The following IQCM variants were observed in gnomAD, a reference collection of about 807,000 sequenced individuals.
IQCM encodes IQ domain-containing protein M.
IQCM carries 45 observed loss-of-function variants against 57.6 expected under a neutral mutation model. That is an observed-to-expected ratio of 0.78 (90% CI 0.62 to 1.00). The LOEUF is 1.00. Ranked by LOEUF, IQCM falls within the 50% of genes least tolerant of loss-of-function variation. The pLI, the probability that IQCM is intolerant of heterozygous loss-of-function variation, is 0.00. For missense variants in IQCM, 468 were observed against 511.6 expected, an observed-to-expected ratio of 0.91 and a Z score of 0.82; for synonymous variants, 148 against 158.9, an observed-to-expected ratio of 0.93 and a Z score of 0.51.
intron 12 of IQCM, among the ~76,000 whole-genome samples, chr4:149,456,863 C>A (rs768708367): frequency 1.3e-5 from 2 of 151,996 alleles, no homozygotes; most frequent in Non-Finnish European, 2.9e-5. Context: ...TCCATGAAAG[C>A]CAGTGTAAAG....
chr4:149,615,155 A>G (rs1364484002), intron 8 of IQCM, among the ~76,000 whole-genome samples: 4 of 152,062 alleles, frequency 2.6e-5, no homozygotes, highest in African/African-American at 7.2e-5. Context: ...AGCTATGACT[A>G]CAATCCCCTA....
At chr4:149,508,510 C>A (rs1744064504) in intron 12 of IQCM, among the ~76,000 whole-genome samples, 1 of 152,188 alleles carries the variant, frequency 6.6e-6, no homozygotes, top group African/African-American at 2.4e-5. Context: ...TTGACTGCCC[C>A]ACTGGATTTC....
chr4:149,540,491 G>A (rs964725395), intron 12 of IQCM, among the ~76,000 whole-genome samples: 3 of 151,550 alleles, frequency 2.0e-5, no homozygotes, highest in African/African-American at 7.3e-5. Context: ...TGGTTGGTTG[G>A]GGCTGATAGT....
intron 2 of IQCM, among the ~76,000 whole-genome samples, chr4:149,792,571 C>T (rs1386543117): frequency 6.6e-6 from 1 of 152,070 alleles, no homozygotes; most frequent in African/African-American, 2.4e-5. Context: ...AAAATATTTT[C>T]TGTCCAGTCA....
intron 9 of IQCM, among the ~76,000 whole-genome samples, chr4:149,574,283 T>C (rs556043354): frequency 6.6e-6 from 1 of 151,950 alleles, no homozygotes; most frequent in Non-Finnish European, 1.5e-5. Context: ...ATGGAGCAAA[T>C]TGTCATTTTT....
chr4:149,674,200 T>A (rs1761553431), intron 7 of IQCM, among the ~76,000 whole-genome samples: 1 of 152,148 alleles, frequency 6.6e-6, no homozygotes, highest in Admixed American at 6.6e-5. Context: ...CTTGAGCTCC[T>A]TAGAGCCAGA....
At chr4:149,387,553 G>A (rs991202836) in intron 13 of IQCM, among the ~76,000 whole-genome samples, 1 of 151,890 alleles carries the variant, frequency 6.6e-6, no homozygotes, top group African/African-American at 2.4e-5. Flanking sequence ...TTCTTTTCAA[G>A]AAAAACTTTC....
chr4:149,646,372 T>A (rs1206162906), intron 7 of IQCM, among the ~76,000 whole-genome samples: 1 of 145,344 alleles, frequency 6.9e-6, no homozygotes, highest in East Asian at 1.9e-4. Context: ...TTCTTGAGGT[T>A]TTTTTTTAAG....
intron 13 of IQCM, among the ~76,000 whole-genome samples, chr4:149,383,914 T>C (rs1002447648): frequency 3.9e-5 from 6 of 152,026 alleles, no homozygotes; most frequent in African/African-American, 1.2e-4. Flanking sequence ...GATCATGCCA[T>C]GGCACTCTAG....
chr4:149,481,720 T>TTTTTTTTTTTTTTTTTTTTTTTG, intron 12 of IQCM, among the ~76,000 whole-genome samples: 1 of 143,502 alleles, frequency 7.0e-6, no homozygotes, highest in South Asian at 2.2e-4. Context: ...TTTTTTTTTT[T>TTTTTTTTTTTTTTTTTTTTTTTG]TTGCTTTTTG....
intron 7 of IQCM, among the ~76,000 whole-genome samples, chr4:149,621,678 T>A (rs1278307653): frequency 2.6e-5 from 4 of 152,194 alleles, no homozygotes; most frequent in Non-Finnish European, 4.4e-5. Flanking sequence ...GTTTTGATAT[T>A]GCAAAGTAAA....
chr4:149,629,932 G>C (rs901739842), intron 7 of IQCM, among the ~76,000 whole-genome samples: 1 of 113,272 alleles, frequency 8.8e-6, no homozygotes, highest in African/African-American at 3.5e-5. Flanking sequence ...TAAAATGAAT[G>C]TTTCCTTTAA....
At chr4:149,373,703 C>A (rs149581780) in intron 13 of IQCM, among the ~76,000 whole-genome samples, 1 of 151,354 alleles carries the variant, frequency 6.6e-6, no homozygotes, top group African/African-American at 2.4e-5. Context: ...AATGGTTATA[C>A]GAGCATTTAT....
intron 12 of IQCM, among the ~76,000 whole-genome samples, chr4:149,468,157 G>T (rs1056319250): frequency 1.3e-5 from 2 of 151,964 alleles, no homozygotes; most frequent in African/African-American, 4.8e-5. Context: ...AGTGGATGCA[G>T]CCCATGGAGC....
intron 13 of IQCM, among the ~76,000 whole-genome samples, chr4:149,426,354 C>A (rs1462204857): frequency 6.6e-6 from 1 of 151,960 alleles, no homozygotes; most frequent in Admixed American, 6.6e-5. Context: ...TAACCACACT[C>A]AGCATCCAGT....
At chr4:149,619,340 G>A (rs1756109811) in intron 8 of IQCM, among the ~76,000 whole-genome samples, 2 of 151,964 alleles carry the variant, frequency 1.3e-5, no homozygotes, top group African/African-American at 4.8e-5. Context: ...GGGAGGATGG[G>A]AAAGGGGTGA....
chr4:149,442,916 A>G (rs1294085857), intron 12 of IQCM, among the ~76,000 whole-genome samples: 1 of 148,294 alleles, frequency 6.7e-6, no homozygotes, highest in Non-Finnish European at 1.5e-5. Flanking sequence ...CTAGCAGGCT[A>G]TCTCTCAATA....
chr4:149,629,011 G>T (rs1471068917), intron 7 of IQCM, among the ~76,000 whole-genome samples: 1 of 152,124 alleles, frequency 6.6e-6, no homozygotes, highest in African/African-American at 2.4e-5. Flanking sequence ...CTGAAAATTT[G>T]CTCAGAAAAC....
intron 7 of IQCM, among the ~76,000 whole-genome samples, chr4:149,640,895 C>T (rs770494133): frequency 8.5e-5 from 13 of 152,144 alleles, no homozygotes; most frequent in Non-Finnish European, 1.9e-4. Context: ...TTTAGGGGGC[C>T]GAGGCCAGTG....
Sources: allele counts gnomAD v4.1 joint callset (sites outside exome capture counted in the v4.1 genomes callset), GRCh38; gene constraint gnomAD v4.1.1; transcripts MANE v1.5; gene names NCBI Gene and HGNC (gene_info 2026-07-23, HGNC 2026-07-21).